Variants in KAZN observed in about 807,000 individuals in gnomAD.
KAZN encodes kazrin.
A neutral mutation model predicts 87.4 loss-of-function variants in KAZN; 40 were observed. The observed-to-expected ratio is 0.46, with a 90% CI of 0.36 to 0.60. The LOEUF is 0.60. Ranked by LOEUF, KAZN falls within the 20% of genes least tolerant of loss-of-function variation. The pLI is 0.00. For synonymous variants in KAZN, 466 were observed against 458.3 expected (o/e 1.02, Z -0.22); for missense variants, 898 against 1,073.9 (o/e 0.84, Z 2.29).
chr1:14,070,016 A>G (rs1003455082), intron 1 of KAZN, among the ~76,000 whole-genome samples: 142 of 152,102 alleles, frequency 9.3e-4, no homozygotes, highest in African/African-American at 3.3e-3. Context: ...TAAAATACAA[A>G]AAATTATCCC....
chr1:14,554,582 T>C lies in KAZN; in HGVS notation c.250-44401T>C, dbSNP rs10927463. 3.7e-3 allele frequency among the ~76,000 whole-genome samples: 568 copies of C among 152,274 alleles called. 4 individuals are homozygous for C. Among genetic ancestry groups the C allele is most frequent in the African/African-American group, 0.013 (545 of 41,558 alleles). ...CAGACAATGTCCCTCCTCAACATCA[T>C]CATTTCCAAACTCTTATAACAGATA... On this transcript the variant is annotated intron_variant, in intron 2 of 16. Coordinates refer to the KAZN transcript ENST00000636203.
At chr1:14,764,573 A>G (rs993111709) in intron 1 of KAZN, among the ~76,000 whole-genome samples, 1 of 151,994 alleles carries the variant, frequency 6.6e-6, no homozygotes, top group African/African-American at 2.4e-5. Context: ...TTGTTGACCC[A>G]TGTATCTTAA....
rs1491432581 is a variant in KAZN, at chr1:14,111,741, T to TTTTC, written c.92-68691_92-68690insCTTT. 1.8e-3 allele frequency among the ~76,000 whole-genome samples: 91 copies of TTTTC among 51,344 alleles called. 14 individuals carry two copies. The highest frequency in any genetic ancestry group is 9.6e-3 in the African/African-American group (88 of 9,180). The allele number at this position is 51,344 out of a possible 152,430, so 33.7% of individuals were successfully genotyped here. The stretch of plus-strand genomic sequence containing the variant: ...CCAACCCTTTGCCTAGATTCTTTTC[T>TTTTC]TTTTTTTTTTTTTTTTGAGGTGGAG... On this transcript the variant is annotated intron_variant, in intron 1 of 16. Transcript: ENST00000636203.
chr1:14,930,422 C>T (rs1408997969), intron 1 of KAZN, among the ~76,000 whole-genome samples: 1 of 152,208 alleles, frequency 6.6e-6, no homozygotes. Flanking sequence ...CCTCCCCTCA[C>T]AGCACAGCCT....
intron 2 of KAZN, among the ~76,000 whole-genome samples, chr1:14,468,195 T>G (rs1668267091): frequency 6.6e-6 from 1 of 152,208 alleles, no homozygotes; most frequent in Non-Finnish European, 1.5e-5. Flanking sequence ...GTTCAAACGT[T>G]TGTCTTTATG....
At chr1:13,915,109 A>G (rs1210516356) in intron 1 of KAZN, among the ~76,000 whole-genome samples, 1 of 152,218 alleles carries the variant, frequency 6.6e-6, no homozygotes, top group South Asian at 2.1e-4. Flanking sequence ...ACACACATGC[A>G]TGTGTATACG....
chr1:14,217,175 G>A (rs1646975650), intron 2 of KAZN, among the ~76,000 whole-genome samples: 1 of 152,134 alleles, frequency 6.6e-6, no homozygotes, highest in South Asian at 2.1e-4. Flanking sequence ...GCCAGATGCT[G>A]ACAACTTGAT....
intron 1 of KAZN, among the ~76,000 whole-genome samples, chr1:14,838,894 T>C (rs1194605806): frequency 6.6e-6 from 1 of 152,198 alleles, no homozygotes; most frequent in African/African-American, 2.4e-5. Context: ...GATGCTGGAA[T>C]TGCAGGTGTG....
At chr1:14,549,429 A>T (rs939793365) in intron 2 of KAZN, among the ~76,000 whole-genome samples, 5 of 152,154 alleles carry the variant, frequency 3.3e-5, no homozygotes, top group African/African-American at 1.2e-4. Context: ...ATAAAAGACC[A>T]AACTTTGTGA....
chr1:14,506,508 A>G (rs1180484129), intron 2 of KAZN, among the ~76,000 whole-genome samples: 2 of 152,198 alleles, frequency 1.3e-5, no homozygotes, highest in African/African-American at 4.8e-5. Context: ...AGAGCCCCAA[A>G]TCGCAGTTCT....
At chr1:14,650,611 CT>C (rs1403433298) in intron 1 of KAZN, among the ~76,000 whole-genome samples, 1 of 152,158 alleles carries the variant, frequency 6.6e-6, no homozygotes, top group African/African-American at 2.4e-5. Context: ...TTTTCTGATA[CT>C]GTATATGAGA....
intron 1 of KAZN, among the ~76,000 whole-genome samples, chr1:14,743,881 G>A (rs191186013): frequency 6.6e-6 from 1 of 152,238 alleles, no homozygotes; most frequent in Non-Finnish European, 1.5e-5. Context: ...AGTGGAGACA[G>A]GGGCCCATCC....
At chr1:14,630,739 A>G (rs1679502631) in intron 1 of KAZN, among the ~76,000 whole-genome samples, 1 of 152,172 alleles carries the variant, frequency 6.6e-6, no homozygotes, top group African/African-American at 2.4e-5. Flanking sequence ...CTAGCAGAGA[A>G]GTCATGAACT....
At chr1:14,711,341 C>CA (rs544767393) in intron 1 of KAZN, among the ~76,000 whole-genome samples, 3,636 of 114,500 alleles carry the variant, frequency 0.032, 79 homozygotes, top group African/African-American at 0.074. Context: ...ACTCTGTTTC[C>CA]AAAAAAAAAA....
At chr1:13,984,894 ACAAT>A (rs1246573628) in intron 1 of KAZN, among the ~76,000 whole-genome samples, 2 of 152,172 alleles carry the variant, frequency 1.3e-5, no homozygotes, top group African/African-American at 2.4e-5. Flanking sequence ...AACTGTCACC[ACAAT>A]CAATTTTAGG....
At chr1:14,548,073 A>T (rs1030676757) in intron 2 of KAZN, among the ~76,000 whole-genome samples, 6 of 151,684 alleles carry the variant, frequency 4.0e-5, no homozygotes. Context: ...GCAAAAAAAG[A>T]TTTCATAATG....
intron 1 of KAZN, among the ~76,000 whole-genome samples, chr1:14,905,615 G>A (rs888981399): frequency 7.2e-5 from 11 of 152,228 alleles, no homozygotes; most frequent in South Asian, 2.1e-4. Context: ...GGAGGCTGAG[G>A]AGGGCGGATC....
intron 2 of KAZN, among the ~76,000 whole-genome samples, chr1:14,994,765 C>A (rs1390906972): frequency 6.6e-6 from 1 of 152,198 alleles, no homozygotes; most frequent in Non-Finnish European, 1.5e-5. Context: ...AGGGACTCAG[C>A]CCCTCTGAGA....
At chr1:14,316,551 T>C (rs1179259973) in intron 2 of KAZN, among the ~76,000 whole-genome samples, 1 of 151,986 alleles carries the variant, frequency 6.6e-6, no homozygotes, top group Non-Finnish European at 1.5e-5. Flanking sequence ...TTTTCTATTT[T>C]ATTGATGTCT....
Sources: gnomAD v4.1 joint callset for allele counts (sites outside exome capture counted in the v4.1 genomes callset) on GRCh38, gnomAD v4.1.1 for gene constraint, MANE v1.5 for transcripts, NCBI Gene and HGNC (gene_info 2026-07-23, HGNC 2026-07-21) for gene names.